Variants in RORB observed in about 807,000 individuals in gnomAD.
The protein encoded by RORB is nuclear receptor ROR-beta.
A neutral mutation model predicts 59.1 loss-of-function variants in RORB; 6 were observed. The observed-to-expected ratio is 0.10, with a 90% CI of 0.06 to 0.20. The LOEUF (loss-of-function observed/expected upper bound fraction) is 0.20. Ranked by LOEUF, RORB falls within the 10% of genes least tolerant of loss-of-function variation. RORB has a pLI of 1.00. For missense variants in RORB, 320 were observed against 560.5 expected, an observed-to-expected ratio of 0.57 and a Z score of 4.33; for synonymous variants, 215 against 204.5, an observed-to-expected ratio of 1.05 and a Z score of -0.44.
At chr9:74,526,268 T>G (rs2118084693) in intron 1 of RORB, among the ~76,000 whole-genome samples, 1 of 152,050 alleles carries the variant, frequency 6.6e-6, no homozygotes, top group Non-Finnish European at 1.5e-5. Flanking sequence ...TTGAGATTCA[T>G]TACTCCAGTT....
At chr9:74,642,878 T>G in intron 4 of RORB, 63 bp downstream of exon 4, 1 of 1,270,654 alleles carries the variant, frequency 7.9e-7, no homozygotes, top group South Asian at 1.6e-5. Flanking sequence ...ACCTTGGTCC[T>G]ATTTAGTATG....
At chr9:74,642,895 T>G in intron 4 of RORB, 80 bp downstream of exon 4, 3 of 1,052,326 alleles carry the variant, frequency 2.9e-6, no homozygotes, top group African/African-American at 1.6e-5. Flanking sequence ...TATGGTAATT[T>G]TCTTAAGACT....
intron 9 of RORB, among the ~76,000 whole-genome samples, chr9:74,677,176 T>A (rs558294947): frequency 6.6e-6 from 1 of 152,302 alleles, no homozygotes; most frequent in South Asian, 2.1e-4. Context: ...TAACTCCGGA[T>A]GATCAAGTGT....
chr9:74,617,573 T>C (rs190749842), intron 1 of RORB, among the ~76,000 whole-genome samples: 28 of 152,294 alleles, frequency 1.8e-4, no homozygotes, highest in Admixed American at 1.4e-3. Context: ...GTAATCTCTT[T>C]AGAGAAAGTG....
intron 1 of RORB, among the ~76,000 whole-genome samples, chr9:74,600,320 A>G (rs1387172782): frequency 2.6e-5 from 4 of 152,264 alleles, no homozygotes; most frequent in African/African-American, 9.6e-5. Context: ...GACAGACCAA[A>G]AATATTTTCA....
At chr9:74,603,059 T>A (rs41441545) in intron 1 of RORB, among the ~76,000 whole-genome samples, 1 of 152,124 alleles carries the variant, frequency 6.6e-6, no homozygotes, top group Non-Finnish European at 1.5e-5. Flanking sequence ...CTTGGAATTG[T>A]AGGGAATAAG....
intron 7 of RORB, among the ~76,000 whole-genome samples, chr9:74,666,523 G>A (rs1276161808): frequency 6.6e-6 from 1 of 151,444 alleles, no homozygotes; most frequent in Non-Finnish European, 1.5e-5. Context: ...AAAAGAGCTG[G>A]GCTGAATTAT....
intron 1 of RORB, among the ~76,000 whole-genome samples, chr9:74,553,118 G>A (rs866038103): frequency 6.6e-6 from 1 of 152,114 alleles, no homozygotes; most frequent in Non-Finnish European, 1.5e-5. Flanking sequence ...AGAGCAGGGA[G>A]AAGCTGTTGG....
chr9:74,648,896 G>A (rs1823945737), intron 4 of RORB, among the ~76,000 whole-genome samples: 1 of 151,854 alleles, frequency 6.6e-6, no homozygotes, highest in Non-Finnish European at 1.5e-5. Flanking sequence ...GTCCTCCCTA[G>A]TTCACTACAA....
intron 8 of RORB, among the ~76,000 whole-genome samples, chr9:74,670,963 T>C (rs1824335729): frequency 1.3e-5 from 2 of 152,156 alleles, no homozygotes; most frequent in African/African-American, 4.8e-5. Flanking sequence ...TTCTTTTCCA[T>C]GAGTATTTGT....
intron 1 of RORB, among the ~76,000 whole-genome samples, chr9:74,537,475 C>T (rs1826337522): frequency 6.6e-6 from 1 of 151,836 alleles, no homozygotes; most frequent in Non-Finnish European, 1.5e-5. Context: ...TCCTCATCTC[C>T]TGTTTTTTTA....
chr9:74,571,447 AGTT>A (rs1822550294), intron 1 of RORB, among the ~76,000 whole-genome samples: 1 of 151,766 alleles, frequency 6.6e-6, no homozygotes. Context: ...GTTGGGGAAC[AGTT>A]GTTCTCTCCA....
chr9:74,539,107 A>C (rs1311436877), intron 1 of RORB, among the ~76,000 whole-genome samples: 1 of 152,194 alleles, frequency 6.6e-6, no homozygotes, highest in African/African-American at 2.4e-5. Flanking sequence ...TTTTCTATGA[A>C]GGTTAGAAAT....
intron 1 of RORB, among the ~76,000 whole-genome samples, chr9:74,504,831 T>C (rs1825848258): frequency 6.6e-6 from 1 of 152,118 alleles, no homozygotes; most frequent in South Asian, 2.1e-4. Flanking sequence ...GTTTACCTTA[T>C]AGTAAAGCTT....
At chr9:74,619,268 C>A (rs1010124079) in intron 1 of RORB, among the ~76,000 whole-genome samples, 18 of 152,170 alleles carry the variant, frequency 1.2e-4, no homozygotes, top group African/African-American at 4.3e-4. Flanking sequence ...CAGCACCAAA[C>A]CTTCCCAGCT....
intron 1 of RORB, among the ~76,000 whole-genome samples, chr9:74,541,237 G>T (rs528515825): frequency 8.0e-6 from 1 of 125,614 alleles, no homozygotes; most frequent in Admixed American, 1.0e-4. Flanking sequence ...CCAAGATCGC[G>T]CCACTGCTCT....
intron 1 of RORB, among the ~76,000 whole-genome samples, chr9:74,507,493 G>A (rs1457797254): frequency 6.6e-6 from 1 of 152,024 alleles, no homozygotes; most frequent in African/African-American, 2.4e-5. Flanking sequence ...CCTCTCCAAG[G>A]AAAGGATCAC....
chr9:74,521,487 C>A (rs1232349185), intron 1 of RORB, among the ~76,000 whole-genome samples: 1 of 151,780 alleles, frequency 6.6e-6, no homozygotes, highest in Non-Finnish European at 1.5e-5. Flanking sequence ...ATCAAACACA[C>A]CCCAAAGTGA....
intron 1 of RORB, among the ~76,000 whole-genome samples, chr9:74,584,994 G>A (rs1394561559): frequency 6.6e-6 from 1 of 152,176 alleles, no homozygotes; most frequent in Non-Finnish European, 1.5e-5. Flanking sequence ...GGCTCAGGTG[G>A]ACTGGGTCCC....
Sources: gnomAD v4.1 joint callset for allele counts (sites outside exome capture counted in the v4.1 genomes callset) on GRCh38, gnomAD v4.1.1 for gene constraint, MANE v1.5 for transcripts, NCBI Gene and HGNC (gene_info 2026-07-23, HGNC 2026-07-21) for gene names.